CYP27C1: variants seen among roughly 807,000 people sequenced by gnomAD.
CYP27C1 encodes the protein cytochrome P450 27C1.
A neutral mutation model predicts 40.6 loss-of-function variants in CYP27C1; 29 were observed. That is an observed-to-expected ratio of 0.71 (90% confidence interval 0.53 to 0.97). The LOEUF (loss-of-function observed/expected upper bound fraction) is 0.97. CYP27C1 is among the 50% of genes least tolerant of loss of function. CYP27C1 has a pLI of 0.00. For missense variants in CYP27C1, 390 were observed against 485.8 expected (o/e 0.80, Z 1.85); for synonymous variants, 198 against 186.8 (o/e 1.06, Z -0.49).
chr2:127,204,516 G>GGAAGGAAA (rs1421737091), intron 2 of CYP27C1, among the ~76,000 whole-genome samples: 1 of 55,930 alleles, frequency 1.8e-5, no homozygotes, highest in South Asian at 7.0e-4. Context: ...AAAGAAAGAA[G>GGAAGGAAA]GAAAGAAAGA....
chr2:127,189,197 T>C (rs1024260367), intron 8 of CYP27C1, among the ~76,000 whole-genome samples: 1 of 141,112 alleles, frequency 7.1e-6, no homozygotes, highest in African/African-American at 2.7e-5. Flanking sequence ...CTACATCCAG[T>C]TTCCAGCTCC....
At chr2:127,197,993 C>T (rs1356259325) in intron 5 of CYP27C1, among the ~76,000 whole-genome samples, 2 of 152,102 alleles carry the variant, frequency 1.3e-5, no homozygotes, top group African/African-American at 4.8e-5. Context: ...CGGGAGGGGG[C>T]GGTGCCGCTG....
intron 1 of CYP27C1, among the ~76,000 whole-genome samples, chr2:127,214,853 G>A (rs1683399817): frequency 6.7e-6 from 1 of 148,686 alleles, no homozygotes; most frequent in Non-Finnish European, 1.5e-5. Context: ...TACAGGCCGG[G>A]CGCAGTGGCT....
At chr2:127,214,743 G>GT (rs1438236003) in intron 1 of CYP27C1, among the ~76,000 whole-genome samples, 1 of 138,002 alleles carries the variant, frequency 7.2e-6, no homozygotes. Flanking sequence ...GTACACCTAT[G>GT]TAACAAACCT....
intron 1 of CYP27C1, among the ~76,000 whole-genome samples, chr2:127,216,871 TCAGAAA>T (rs1683440300): frequency 6.6e-6 from 1 of 152,108 alleles, no homozygotes; most frequent in Non-Finnish European, 1.5e-5. Context: ...GCTCTCAATC[TCAGAAA>T]CAGTGGGCCA....
At chr2:127,192,735 G>C (rs1682809486) in intron 8 of CYP27C1, among the ~76,000 whole-genome samples, 2 of 51,718 alleles carry the variant, frequency 3.9e-5, no homozygotes, top group African/African-American at 7.3e-5. Flanking sequence ...AGACCTCCAG[G>C]GTTTCTCAGA....
In CYP27C1 at chr2:127,203,553, G is replaced by A; in HGVS notation, c.492C>T (p.Leu164=). Residue 164 remains leucine (L), a synonymous_variant, in exon 3 of 9, where the codon CTC becomes CTT. Coordinates refer to ENST00000664447, the MANE Select transcript of CYP27C1 (RefSeq NM_001367502.1). ...TTTGTCTCAATACGCTTCTCATCTT[G>A]AGCCACTGTTCACCCTCCCTAGAAG... ...GLISAEGEQW[L]KMRSVLRQRI... 2 of 1,613,586 alleles carry A rather than the reference G, an allele frequency of 1.2e-6. No individual in the cohort carries two copies. Among genetic ancestry groups the A allele is most frequent in the Non-Finnish European group, 1.7e-6 (2 of 1,179,960 alleles).
chr2:127,208,759 G>A lies in CYP27C1; in HGVS notation c.283-2669C>T, dbSNP rs543595439. On this transcript the variant is annotated intron_variant, in intron 1 of 8. Coordinates refer to ENST00000664447, the MANE Select transcript of CYP27C1 (RefSeq NM_001367502.1). The surrounding 1 kb of genome is among the most constrained non-coding windows in gnomAD (Gnocchi z 5.2). Reference sequence around the variant, plus strand: ...AGTTGGCAGCCAGAGTGCCTCTTCAGGTCTAACCCTGATCCATCCTTCCTC... The same window carrying A: ...AGTTGGCAGCCAGAGTGCCTCTTCAAGTCTAACCCTGATCCATCCTTCCTC... Among the ~76,000 whole-genome samples the A allele has an allele frequency of 6.6e-6, 1 of 152,188 alleles. No homozygotes were observed. Among genetic ancestry groups the A allele is most frequent in the Non-Finnish European group, 1.5e-5 (1 of 68,034 alleles).
chr2:127,190,126 C>T (rs1293774532), intron 8 of CYP27C1, among the ~76,000 whole-genome samples: 1 of 152,156 alleles, frequency 6.6e-6, no homozygotes, highest in African/African-American at 2.4e-5. Context: ...TCTGCTCTCA[C>T]TGATTCGATA....
chr2:127,198,018 G>A (rs993524954), intron 5 of CYP27C1, among the ~76,000 whole-genome samples: 6 of 152,122 alleles, frequency 3.9e-5, no homozygotes, highest in Middle Eastern at 3.2e-3. Context: ...TTACTCACAG[G>A]ACACAGTATA....
chr2:127,193,341 C>T lies in CYP27C1; in HGVS notation c.1294-44G>A, dbSNP rs150924879. ...ACAGAAAAGGGAAAAGGGGCAGAAT[C>T]ACTCAAGAGCAGGGCAGGGCCCAGA... On this transcript the variant is annotated intron_variant, in intron 7 of 8. Coordinates refer to ENST00000664447, the MANE Select transcript of CYP27C1 (RefSeq NM_001367502.1). The T allele has an allele frequency of 2.0e-4, 315 of 1,608,936 alleles. 1 individual carries two copies. In the African/African-American group the frequency reaches 3.9e-3, roughly 20 times the overall value.
intron 1 of CYP27C1, among the ~76,000 whole-genome samples, chr2:127,211,369 G>GTTTTTTTTTTTTTTTTTT (rs371826841): frequency 1.1e-5 from 1 of 94,940 alleles, no homozygotes; most frequent in Non-Finnish European, 2.1e-5. Flanking sequence ...GTGTTTTTTT[G>GTTTTTTTTTTTTTTTTTT]TTTTTTTTTT....
intron 5 of CYP27C1, among the ~76,000 whole-genome samples, chr2:127,198,147 T>C (rs1439143755): frequency 6.6e-6 from 1 of 151,730 alleles, no homozygotes; most frequent in Non-Finnish European, 1.5e-5. Flanking sequence ...ATCATTGATC[T>C]GCCATGCTAC....
intron 8 of CYP27C1, among the ~76,000 whole-genome samples, chr2:127,190,331 CTTTTTTTTTTCTTTTTT>C (rs1178647405): frequency 8.3e-6 from 1 of 120,228 alleles, no homozygotes; most frequent in Non-Finnish European, 1.6e-5. Context: ...TGTGGCTTCT[CTTTTTTTTTTCTTTTTT>C]TTTTTTTTTT....
rs1274981651 is a variant in CYP27C1 at position 127,185,918 on chromosome 2, C to A, written c.*1353G>T. On this transcript the variant is annotated 3_prime_UTR_variant, in exon 9 of 9. Coordinates refer to ENST00000664447, the MANE Select transcript of CYP27C1 (RefSeq NM_001367502.1). The surrounding 1 kb of genome is among the most constrained non-coding windows in gnomAD (Gnocchi z 4.9). Reference sequence around the variant, plus strand: ...GAAAGGCAACAGAACTCCTCAGGACCCAGCACTCCCGGAGCCACGGCTTCC... The same window carrying A: ...GAAAGGCAACAGAACTCCTCAGGACACAGCACTCCCGGAGCCACGGCTTCC... 3 of 152,194 alleles carry A rather than the reference C, an allele frequency of 2.0e-5. No homozygotes were observed. The highest frequency in any genetic ancestry group is 7.2e-5 in the African/African-American group (3 of 41,452). 9.4% of individuals were successfully genotyped at this position (152,194 alleles called of 1,614,324 possible).
At chr2:127,211,929 A>C (rs1254946797) in intron 1 of CYP27C1, among the ~76,000 whole-genome samples, 1 of 152,164 alleles carries the variant, frequency 6.6e-6, no homozygotes, top group African/African-American at 2.4e-5. Flanking sequence ...AAATTAACTA[A>C]TAAAGAAGGA....
intron 2 of CYP27C1, 57 bp downstream of exon 2, chr2:127,205,843 G>A (rs894922514): frequency 1.3e-6 from 1 of 780,738 alleles, no homozygotes; most frequent in Non-Finnish European, 1.5e-6. Context: ...TGGAGGAGGG[G>A]GCCTCCCCCT....
chr2:127,210,002 G>A (rs558104533), intron 1 of CYP27C1, among the ~76,000 whole-genome samples: 1 of 152,260 alleles, frequency 6.6e-6, no homozygotes, highest in Non-Finnish European at 1.5e-5. Context: ...TGCAAATTCA[G>A]AAAATACAGA....
At chr2:127,213,432 T>C (rs1189233872) in intron 1 of CYP27C1, among the ~76,000 whole-genome samples, 1 of 152,114 alleles carries the variant, frequency 6.6e-6, no homozygotes, top group Non-Finnish European at 1.5e-5. Flanking sequence ...AAGGCTACGG[T>C]AACCAAAACA....
Sources: allele counts gnomAD v4.1 joint callset (sites outside exome capture counted in the v4.1 genomes callset), GRCh38; gene constraint gnomAD v4.1.1; non-coding constraint Gnocchi (gnomAD v3.1); transcripts MANE v1.5; gene names NCBI Gene and HGNC (gene_info 2026-07-23, HGNC 2026-07-21).